The following SPON1 variants were observed in gnomAD, a reference collection of about 807,000 sequenced individuals.
SPON1 encodes spondin 1.
A neutral mutation model predicts 111.7 loss-of-function variants in SPON1; 52 were observed. The ratio of observed to expected loss-of-function variants is 0.47; its 90% CI spans 0.37 to 0.59. The LOEUF is 0.59. Among genes scored for constraint, SPON1 ranks in the 20% least tolerant of loss-of-function variants. SPON1 has a pLI of 0.00. For synonymous variants in SPON1, 410 were observed against 395.8 expected, an observed-to-expected ratio of 1.04 and a Z score of -0.43; for missense variants, 957 against 1,068.5, an observed-to-expected ratio of 0.90 and a Z score of 1.46.
intron 2 of SPON1, 99 bp from the exon 3 acceptor site, chr11:14,041,422 A>G (rs782388893): frequency 1.9e-5 from 26 of 1,405,344 alleles, no homozygotes; most frequent in Non-Finnish European, 2.4e-5. Flanking sequence ...ACATAAAATG[A>G]TAAGTTTAAA....
At chr11:14,183,846 C>T (rs1243605079) in intron 6 of SPON1, among the ~76,000 whole-genome samples, 3 of 151,974 alleles carry the variant, frequency 2.0e-5, no homozygotes, top group Admixed American at 6.6e-5. Flanking sequence ...TAGAAAGTCA[C>T]TTTAACATCT....
intron 6 of SPON1, among the ~76,000 whole-genome samples, chr11:14,149,963 A>G (rs1367648776): frequency 6.6e-6 from 1 of 152,084 alleles, no homozygotes; most frequent in Non-Finnish European, 1.5e-5. Context: ...GTCTCTTGGG[A>G]AAGACTGACA....
At position 14,259,471 on chromosome 11, in the gene SPON1, G is replaced by C; in HGVS notation, c.1663+21G>C. The C allele has an allele frequency of 1.9e-6, 3 of 1,595,326 alleles. No individual in the cohort carries two copies. In the East Asian group the frequency reaches 6.8e-5, roughly 36 times the overall value. ...GTGCTGTGAGTGGGGGCCCCGGGCGGGCAGGCGGGCAAGTAGGTCGGGGAG... is the reference window on the plus strand; with the variant it reads ...GTGCTGTGAGTGGGGGCCCCGGGCGCGCAGGCGGGCAAGTAGGTCGGGGAG... On this transcript the variant is annotated intron_variant, in intron 12 of 15. Coordinates refer to ENST00000576479, the MANE Select transcript of SPON1 (RefSeq NM_006108.4). This position sits in a 1 kb window ranked among gnomAD's most constrained non-coding sequence, Gnocchi z 5.0.
chr11:13,991,637 C>G (rs7128267), intron 2 of SPON1, among the ~76,000 whole-genome samples: 3,171 of 152,256 alleles, frequency 0.021, 121 homozygotes, highest in African/African-American at 0.071. Flanking sequence ...GAGTTGCGAT[C>G]CTTTGTAGGA....
chr11:14,128,895 C>T (rs1305479484), intron 5 of SPON1, among the ~76,000 whole-genome samples: 2 of 152,266 alleles, frequency 1.3e-5, no homozygotes, highest in African/African-American at 4.8e-5. Flanking sequence ...CTTGCACCCT[C>T]TAAAGCAATG....
At chr11:14,238,553 T>G (rs1848890899) in intron 6 of SPON1, among the ~76,000 whole-genome samples, 1 of 152,066 alleles carries the variant, frequency 6.6e-6, no homozygotes, top group Non-Finnish European at 1.5e-5. Context: ...AGACTCACAG[T>G]CTTACTTTCT....
At chr11:14,139,843 G>A (rs547670778) in intron 6 of SPON1, among the ~76,000 whole-genome samples, 1 of 152,122 alleles carries the variant, frequency 6.6e-6, no homozygotes, top group African/African-American at 2.4e-5. Context: ...CCATGAAGCA[G>A]AAACCCAAAA....
chr11:14,210,707 G>A (rs1315964195), intron 6 of SPON1, among the ~76,000 whole-genome samples: 2 of 152,026 alleles, frequency 1.3e-5, no homozygotes, highest in East Asian at 3.8e-4. Context: ...GGGCATCTAG[G>A]TTTTCTTCTA....
At chr11:14,074,804 A>G (rs144245094) in intron 3 of SPON1, among the ~76,000 whole-genome samples, 217 of 152,324 alleles carry the variant, frequency 1.4e-3, no homozygotes, top group African/African-American at 5.1e-3. Flanking sequence ...TAAGAGGGAG[A>G]TATAACAGCT....
chr11:14,006,427 G>A (rs527701224), intron 2 of SPON1, among the ~76,000 whole-genome samples: 56 of 152,278 alleles, frequency 3.7e-4, no homozygotes, highest in African/African-American at 1.3e-3. Flanking sequence ...AACAGAGGCA[G>A]GAAGGCTGGG....
chr11:14,113,323 C>T (rs888464926), intron 5 of SPON1, among the ~76,000 whole-genome samples: 1 of 152,202 alleles, frequency 6.6e-6, no homozygotes, highest in Non-Finnish European at 1.5e-5. Context: ...CCACAATGGG[C>T]TGCAAGTTTC....
chr11:14,181,463 A>C (rs927093278), intron 6 of SPON1, among the ~76,000 whole-genome samples: 4 of 152,196 alleles, frequency 2.6e-5, no homozygotes, highest in African/African-American at 9.6e-5. Context: ...TTTCTCTCCT[A>C]CAAAAGTTTT....
chr11:14,079,981 T>C lies in SPON1; in HGVS notation c.636T>C (p.Tyr212=), dbSNP rs1848948697. The C allele has an allele frequency of 6.2e-7, 1 of 1,613,972 alleles. No individual in the cohort carries two copies. The highest frequency in any genetic ancestry group is 1.1e-5 in the South Asian group (1 of 91,072). ...CTGCCAAGTACAGACTCACATTTTA[T>C]GGGAATTGGTCCGAGAAGACACACC... ...CGTAKYRLTF[Y]GNWSEKTHPK... is the part of the protein sequence containing the mutation. The change falls in exon 5 of 16, where the codon TAT becomes TAC. Residue 212 remains tyrosine (Y), a synonymous_variant. Coordinates refer to ENST00000576479, the MANE Select transcript of SPON1 (RefSeq NM_006108.4).
chr11:14,014,652 G>A (rs186087502), intron 2 of SPON1, among the ~76,000 whole-genome samples: 15 of 152,196 alleles, frequency 9.9e-5, no homozygotes, highest in Admixed American at 2.0e-4. Context: ...GGGCATTTGC[G>A]CCTTCATCCA....
At chr11:14,149,961 G>T (rs567022678) in intron 6 of SPON1, among the ~76,000 whole-genome samples, 2 of 152,106 alleles carry the variant, frequency 1.3e-5, no homozygotes, top group South Asian at 4.2e-4. Context: ...TAGTCTCTTG[G>T]GAAAGACTGA....
At chr11:14,101,024 T>G (rs1202755331) in intron 5 of SPON1, among the ~76,000 whole-genome samples, 2 of 152,240 alleles carry the variant, frequency 1.3e-5, no homozygotes, top group African/African-American at 2.4e-5. Context: ...GTTGTTGTTT[T>G]GTTTGGTTTG....
chr11:14,068,179 A>G (rs1253555193), intron 3 of SPON1, among the ~76,000 whole-genome samples: 1 of 152,214 alleles, frequency 6.6e-6, no homozygotes, highest in African/African-American at 2.4e-5. Flanking sequence ...GTGCTAGAGT[A>G]ATGGTATTGA....
At chr11:14,093,246 G>C (rs1849073065) in intron 5 of SPON1, among the ~76,000 whole-genome samples, 1 of 152,230 alleles carries the variant, frequency 6.6e-6, no homozygotes, top group Admixed American at 6.5e-5. Flanking sequence ...AGAAGCAGTT[G>C]CTTCACAGAA....
chr11:14,179,636 T>C (rs1350320083), intron 6 of SPON1, among the ~76,000 whole-genome samples: 1 of 152,172 alleles, frequency 6.6e-6, no homozygotes, highest in African/African-American at 2.4e-5. Flanking sequence ...TGAGCCACAG[T>C]TTCCTCATCT....
Sources: gnomAD v4.1 joint callset for allele counts (sites outside exome capture counted in the v4.1 genomes callset) on GRCh38, gnomAD v4.1.1 for gene constraint, Gnocchi (gnomAD v3.1) non-coding constraint, MANE v1.5 for transcripts, NCBI Gene and HGNC (gene_info 2026-07-23, HGNC 2026-07-21) for gene names.